Variants in FOXL1 observed in about 807,000 individuals in gnomAD.
The protein encoded by FOXL1 is forkhead box L1, also known as forkhead box protein L1.
In FOXL1, 2 loss-of-function variants were observed where a neutral mutation model predicts 1.7. The ratio of observed to expected loss-of-function variants is 1.21; its 90% CI spans 0.49 to 3.80. The LOEUF (loss-of-function observed/expected upper bound fraction) is 3.80. FOXL1 is among the 30% of genes most tolerant of loss of function. The pLI, the probability that FOXL1 is intolerant of heterozygous loss-of-function variation, is 0.07. For synonymous variants in FOXL1, 280 were observed against 229.3 expected (o/e 1.22, Z -2.00); for missense variants, 565 against 495.8 (o/e 1.14, Z -1.32).
At position 86,579,376 on chromosome 16, in the gene FOXL1, C is replaced by A; in HGVS notation, c.653C>A (p.Ala218Asp). The A allele has an allele frequency of 6.6e-7, 1 of 1,507,496 alleles. No individual in the cohort carries two copies. Among genetic ancestry groups the A allele is most frequent in the South Asian group, 1.3e-5 (1 of 79,648 alleles). 93.4% of individuals were successfully genotyped at this position (1,507,496 alleles called of 1,614,324 possible). A position where few individuals can be genotyped will look rare whatever the true frequency, so the allele number is the denominator to read the frequency against. ...WPGTASPNEDAGDAAQGAAAV... is the reference protein window; with the variant it reads ...WPGTASPNEDDGDAAQGAAAV... ...GGGACCGCGTCCCCGAACGAGGACG[C>A]TGGTGACGCTGCCCAGGGCGCAGCG... is the stretch of plus-strand genomic sequence containing the variant. Residue 218 changes from alanine to aspartate, a missense_variant, in exon 1 of 1, where the codon GCT becomes GAT. Transcript: ENST00000320241.
chr16:86,582,198 C>T lies in FOXL1; in HGVS notation c.*2437C>T, dbSNP rs574407158. 7.9e-5 allele frequency: 12 copies of T among 152,308 alleles called. No individual in the cohort carries two copies. Among genetic ancestry groups the T allele is most frequent in the African/African-American group, 2.9e-4 (12 of 41,572 alleles). 9.4% of individuals were successfully genotyped at this position (152,308 alleles called of 1,614,324 possible). A position where few individuals can be genotyped will look rare whatever the true frequency, so the allele number is the denominator to read the frequency against. ...TTAGAAAAGCTAAGACAAGTGGATA[C>T]TGAGGTCGTTTTTATGTAATCTATA... On this transcript the variant is annotated 3_prime_UTR_variant, in exon 1 of 1. Transcript: ENST00000320241.
chr16:86,578,889 G>C lies in FOXL1; in HGVS notation c.166G>C (p.Ala56Pro). ...TPQKPPYSYI[A>P]LIAMAIQDAP... ...GCAGAAGCCTCCCTACAGCTACATCGCGCTCATCGCCATGGCGATCCAGGA... is the reference window on the plus strand; with the variant it reads ...GCAGAAGCCTCCCTACAGCTACATCCCGCTCATCGCCATGGCGATCCAGGA... The change falls in exon 1 of 1, where the codon GCG becomes CCG. Residue 56 changes from alanine to proline, a missense_variant. By Grantham distance (27) the Ala-to-Pro change is conservative (BLOSUM62 -1). Transcript: ENST00000320241. 5 of 1,614,130 alleles carry C rather than the reference G, an allele frequency of 3.1e-6. No individual in the cohort carries two copies. Among genetic ancestry groups the C allele is most frequent in the Non-Finnish European group, 3.4e-6 (4 of 1,180,004 alleles).
At position 86,579,797 on chromosome 16, in the gene FOXL1, C is replaced by T. The variant is rs767402138; in HGVS notation, c.*36C>T. 2 of 1,573,240 alleles carry T rather than the reference C, an allele frequency of 1.3e-6. No homozygotes were observed. The highest frequency in any genetic ancestry group is 1.3e-5 in the African/African-American group (1 of 74,154). Reference sequence around the variant, plus strand: ...GGCACGGTTCTTCTCCCGGCCCAGCCTGAGCCTCCGCTGAGCGAAAGGCCA... The same window carrying T: ...GGCACGGTTCTTCTCCCGGCCCAGCTTGAGCCTCCGCTGAGCGAAAGGCCA... On this transcript the variant is annotated 3_prime_UTR_variant, in exon 1 of 1. Coordinates refer to ENST00000320241, the MANE Select transcript of FOXL1 (RefSeq NM_005250.3).
At position 86,581,705 on chromosome 16, in the gene FOXL1, G is replaced by A. The variant is rs982774935; in HGVS notation, c.*1944G>A. The A allele has an allele frequency of 1.2e-5, 2 of 167,004 alleles. No homozygotes were observed. The highest frequency in any genetic ancestry group is 4.8e-5 in the African/African-American group (2 of 41,452). 10.3% of individuals were successfully genotyped at this position (167,004 alleles called of 1,614,324 possible). A position where few individuals can be genotyped will look rare whatever the true frequency, so the allele number is the denominator to read the frequency against. ...TTTTTTCATTAACCTCTCAGTGACT[G>A]GTTCAGTGGATTACTGGAGGGAAAT... On this transcript the variant is annotated 3_prime_UTR_variant, in exon 1 of 1. Coordinates refer to ENST00000320241, the MANE Select transcript of FOXL1 (RefSeq NM_005250.3).
chr16:86,579,970 G>C lies in FOXL1; in HGVS notation c.*209G>C, dbSNP rs548832806. On this transcript the variant is annotated 3_prime_UTR_variant, in exon 1 of 1. Transcript: ENST00000320241. Reference sequence around the variant, plus strand: ...TTTCCCAGCAACTGGGAGCAGCTACGGAGACTTAAAAGATCCCCGCGGGGT... The same window carrying C: ...TTTCCCAGCAACTGGGAGCAGCTACCGAGACTTAAAAGATCCCCGCGGGGT... The C allele has an allele frequency of 2.3e-5, 14 of 613,890 alleles. 1 individual carries two copies. The South Asian group carries it at 2.9e-4, about 13-fold the overall frequency. 38.0% of individuals were successfully genotyped at this position (613,890 alleles called of 1,614,324 possible). A position where few individuals can be genotyped will look rare whatever the true frequency, so the allele number is the denominator to read the frequency against.
Position 86,580,050 on chromosome 16 carries a change from C to G in FOXL1, c.*289C>G, listed in dbSNP as rs917319943. On this transcript the variant is annotated 3_prime_UTR_variant, in exon 1 of 1. Coordinates refer to ENST00000320241, the MANE Select transcript of FOXL1 (RefSeq NM_005250.3). ...ACCTCCACCGCGGGAGATTCCTTGA[C>G]GTTTGACCTGTCTAATGGAGTGTGG... 1.2e-5 allele frequency: 6 copies of G among 494,374 alleles called. No individual in the cohort carries two copies. Among genetic ancestry groups the G allele is most frequent in the Admixed American group, 3.4e-5 (1 of 29,598 alleles). 30.6% of individuals were successfully genotyped at this position (494,374 alleles called of 1,614,324 possible).
Position 86,579,374 on chromosome 16 carries a change from C to A in FOXL1, c.651C>A (p.Asp217Glu). The change falls in exon 1 of 1, where the codon GAC (aspartate) becomes GAA (glutamate). Residue 217 changes from aspartate to glutamate, a missense_variant. Coordinates refer to ENST00000320241, the MANE Select transcript of FOXL1 (RefSeq NM_005250.3). ...CGGGGACCGCGTCCCCGAACGAGGA[C>A]GCTGGTGACGCTGCCCAGGGCGCAG... is the stretch of plus-strand genomic sequence containing the variant. ...HWPGTASPNE[D>E]AGDAAQGAAA... 6.6e-7 allele frequency: 1 copy of A among 1,504,988 alleles called. No homozygotes were observed. Among genetic ancestry groups the A allele is most frequent in the Non-Finnish European group, 8.8e-7 (1 of 1,133,920 alleles). 93.2% of individuals were successfully genotyped at this position (1,504,988 alleles called of 1,614,324 possible). A position where few individuals can be genotyped will look rare whatever the true frequency, so the allele number is the denominator to read the frequency against.
rs180865818 is a variant in FOXL1, at chr16:86,579,801, G to A, written c.*40G>A. On this transcript the variant is annotated 3_prime_UTR_variant, in exon 1 of 1. Coordinates refer to ENST00000320241, the MANE Select transcript of FOXL1 (RefSeq NM_005250.3). Reference sequence around the variant, plus strand: ...CGGTTCTTCTCCCGGCCCAGCCTGAGCCTCCGCTGAGCGAAAGGCCACAGC... The same window carrying A: ...CGGTTCTTCTCCCGGCCCAGCCTGAACCTCCGCTGAGCGAAAGGCCACAGC... The A allele has an allele frequency of 2.6e-6, 4 of 1,567,644 alleles. No homozygotes were observed. Among genetic ancestry groups the A allele is most frequent in the African/African-American group, 2.7e-5 (2 of 74,072 alleles).
At position 86,580,986 on chromosome 16, in the gene FOXL1, G is replaced by GCCGCC; in HGVS notation, c.*1227_*1231dup. ...ACTCCTGGCCCCCGCACCCCCTGCA[G>GCCGCC]CCGCCCGCTCTTCCCTCCCAGCCCT... On this transcript the variant is annotated 3_prime_UTR_variant, in exon 1 of 1. Coordinates refer to ENST00000320241, the MANE Select transcript of FOXL1 (RefSeq NM_005250.3). 1 of 167,218 alleles carries GCCGCC rather than the reference G, an allele frequency of 6.0e-6. No homozygotes were observed. Among genetic ancestry groups the GCCGCC allele is most frequent in the South Asian group, 2.1e-4 (1 of 4,826 alleles). 10.4% of individuals were successfully genotyped at this position (167,218 alleles called of 1,614,324 possible).
rs1974408067 is a variant in FOXL1 at position 86,581,084 on chromosome 16, GAGGTCTGC to G, written c.*1325_*1332del. 2 of 167,076 alleles carry G rather than the reference GAGGTCTGC, an allele frequency of 1.2e-5. No individual in the cohort carries two copies. The highest frequency in any genetic ancestry group is 2.4e-5 in the African/African-American group (1 of 41,462). 10.3% of individuals were successfully genotyped at this position (167,076 alleles called of 1,614,324 possible). ...GACTGGCAGTCTGGGGAGGGGAGAA[GAGGTCTGC>G]AACGAAAATCTAATTAAGAACATTG... On this transcript the variant is annotated 3_prime_UTR_variant, in exon 1 of 1. Transcript: ENST00000320241.
Position 86,579,177 on chromosome 16 carries a change from C to G in FOXL1, c.454C>G (p.Pro152Ala), listed in dbSNP as rs2144033113. 1.9e-6 allele frequency: 3 copies of G among 1,605,990 alleles called. No homozygotes were observed. The highest frequency in any genetic ancestry group is 2.2e-5 in the South Asian group (2 of 90,836). Residue 152 changes from proline to alanine, a missense_variant, in exon 1 of 1, where the codon CCG becomes GCG. By Grantham distance (27) the Pro-to-Ala change is conservative. Transcript: ENST00000320241. Reference sequence around the variant, plus strand: ...GAAGCCCAAGCCGGGCCCCGGGGCCCCGGAGGCCAAGAGGCCCCGCGCCGA... The same window carrying G: ...GAAGCCCAAGCCGGGCCCCGGGGCCGCGGAGGCCAAGAGGCCCCGCGCCGA... ...KRKPKPGPGAPEAKRPRAETH... is the reference protein window; with the variant it reads ...KRKPKPGPGAAEAKRPRAETH...
At position 86,579,695 on chromosome 16, in the gene FOXL1, GCTCGGGATCCCCTTC is replaced by G. The variant is rs764026385; in HGVS notation, c.976_990del (p.Gly326_Leu330del). The G allele has an allele frequency of 2.7e-3, 4,299 of 1,613,832 alleles. 10 individuals carry two copies. The highest frequency in any genetic ancestry group is 3.1e-3 in the Non-Finnish European group (3,714 of 1,179,930). On this transcript the variant is annotated inframe_deletion, in exon 1 of 1. Coordinates refer to ENST00000320241, the MANE Select transcript of FOXL1 (RefSeq NM_005250.3). ...CGCATGTCCAGGGCGGCTTTTACCA[GCTCGGGATCCCCTTC>G]CTCTCTTATTTCCCCCTGCAGGTTC...
Position 86,582,037 on chromosome 16 carries a change from G to T in FOXL1, c.*2276G>T, listed in dbSNP as rs144670654. On this transcript the variant is annotated 3_prime_UTR_variant, in exon 1 of 1. Coordinates refer to ENST00000320241, the MANE Select transcript of FOXL1 (RefSeq NM_005250.3). The stretch of plus-strand genomic sequence containing the variant: ...TTGATACTGCAGTTTTAAAAGGGTC[G>T]TATTTTAAAGTTACTATTCCAAAAA... 110 of 152,262 alleles carry T rather than the reference G, an allele frequency of 7.2e-4. No individual in the cohort carries two copies. The highest frequency in any genetic ancestry group is 2.6e-3 in the African/African-American group (107 of 41,538). The allele number at this position is 152,262 out of a possible 1,614,324, so 9.4% of individuals were successfully genotyped here.
At position 86,578,846 on chromosome 16, in the gene FOXL1, G is replaced by C. The variant is rs747832608; in HGVS notation, c.123G>C (p.Ser41=). ...CCCCCGCGGCTGCTCTAGCTGCCTCGGGCCGGGCCGAGACCCCGCAGAAGC... is the reference window on the plus strand; with the variant it reads ...CCCCCGCGGCTGCTCTAGCTGCCTCCGGCCGGGCCGAGACCCCGCAGAAGC... ...AFAPAAALAA[S]GRAETPQKPP... Residue 41 remains serine (S), a synonymous_variant, in exon 1 of 1, where the codon TCG becomes TCC. Coordinates refer to ENST00000320241, the MANE Select transcript of FOXL1 (RefSeq NM_005250.3). 4 of 1,613,792 alleles carry C rather than the reference G, an allele frequency of 2.5e-6. No individual in the cohort carries two copies. Among genetic ancestry groups the C allele is most frequent in the South Asian group, 2.2e-5 (2 of 91,084 alleles).
rs986728973 is a variant in FOXL1, at chr16:86,579,474, T to C, written c.751T>C (p.Ser251Pro). ...GSPLRPASRS[S>P]PKSSDKSKSF... ...CCCTCTGCGCCCCGCCTCCCGCAGCTCTCCGAAGAGCTCCGACAAGTCCAA... is the reference window on the plus strand; with the variant it reads ...CCCTCTGCGCCCCGCCTCCCGCAGCCCTCCGAAGAGCTCCGACAAGTCCAA... The change falls in exon 1 of 1, where the codon TCT (serine) becomes CCT (proline). Residue 251 changes from serine (S) to proline (P), a missense_variant. By Grantham distance (74) the Ser-to-Pro change is moderately conservative. Transcript: ENST00000320241. 23 of 1,566,706 alleles carry C rather than the reference T, an allele frequency of 1.5e-5. No homozygotes were observed. Among genetic ancestry groups the C allele is most frequent in the Admixed American group, 1.9e-5 (1 of 52,860 alleles).
rs1974404863 is a variant in FOXL1, at chr16:86,580,945, C to T, written c.*1184C>T. On this transcript the variant is annotated 3_prime_UTR_variant, in exon 1 of 1. Transcript: ENST00000320241. ...CCCCAGAGGACCTGAGGTTTGATGG[C>T]AGGAATCTCCCAGACACTCCTGGCC... The T allele has an allele frequency of 6.0e-6, 1 of 166,984 alleles. No homozygotes were observed. Among genetic ancestry groups the T allele is most frequent in the Non-Finnish European group, 1.5e-5 (1 of 68,120 alleles). 10.3% of individuals were successfully genotyped at this position (166,984 alleles called of 1,614,324 possible).
In FOXL1 at chr16:86,580,723, C is replaced by T. The variant is rs918734553; in HGVS notation, c.*962C>T. The T allele has an allele frequency of 8.4e-5, 14 of 166,904 alleles. No individual in the cohort carries two copies. Among genetic ancestry groups the T allele is most frequent in the Non-Finnish European group, 7.3e-5 (5 of 68,104 alleles). 10.3% of individuals were successfully genotyped at this position (166,904 alleles called of 1,614,324 possible). ...GAAGGGGATATGCCTTGGACAATGTCAGAGTTTTGATTTCCATGTTTTTTC... is the reference window on the plus strand; with the variant it reads ...GAAGGGGATATGCCTTGGACAATGTTAGAGTTTTGATTTCCATGTTTTTTC... On this transcript the variant is annotated 3_prime_UTR_variant, in exon 1 of 1. Transcript: ENST00000320241.
rs1166814494 is a variant in FOXL1, at chr16:86,579,290, G to A, written c.567G>A (p.Ala189=). The A allele has an allele frequency of 3.8e-6, 5 of 1,309,826 alleles. No homozygotes were observed. The East Asian group carries it at 1.1e-4, about 30-fold the overall frequency. 81.1% of individuals were successfully genotyped at this position (1,309,826 alleles called of 1,614,324 possible). The part of the protein sequence containing the change: ...SGPAISRLQA[A]PAGPSPLLDG... ...CCGCAATCTCCCGCCTGCAGGCAGC[G>A]CCCGCGGGCCCCTCGCCCCTCCTGG... Residue 189 remains alanine, a synonymous_variant, in exon 1 of 1, where the codon GCG becomes GCA. Coordinates refer to ENST00000320241, the MANE Select transcript of FOXL1 (RefSeq NM_005250.3).
At position 86,580,373 on chromosome 16, in the gene FOXL1, C is replaced by T. The variant is rs1974397182; in HGVS notation, c.*612C>T. 6.0e-6 allele frequency: 1 copy of T among 167,152 alleles called. No individual in the cohort carries two copies. The highest frequency in any genetic ancestry group is 2.4e-5 in the African/African-American group (1 of 41,442). The allele number at this position is 167,152 out of a possible 1,614,324, so 10.4% of individuals were successfully genotyped here. On this transcript the variant is annotated 3_prime_UTR_variant, in exon 1 of 1. Coordinates refer to ENST00000320241, the MANE Select transcript of FOXL1 (RefSeq NM_005250.3). Reference sequence around the variant, plus strand: ...ATGAGGATTTATGACCAATGTTCAGCTATAGAAGCTGATAACCACCCAGAG... The same window carrying T: ...ATGAGGATTTATGACCAATGTTCAGTTATAGAAGCTGATAACCACCCAGAG...
Sources: allele counts gnomAD v4.1 joint callset, GRCh38; gene constraint gnomAD v4.1.1; transcripts MANE v1.5; gene names NCBI Gene and HGNC (gene_info 2026-07-23, HGNC 2026-07-21).